The following ATP2A2 variants were observed in gnomAD, a reference collection of about 807,000 sequenced individuals.
ATP2A2 encodes the protein ATPase sarcoplasmic/endoplasmic reticulum Ca2+ transporting 2.
A neutral mutation model predicts 109.3 loss-of-function variants in ATP2A2; 14 were observed. That is an observed-to-expected ratio of 0.13 (90% CI 0.08 to 0.20). ATP2A2 has a LOEUF of 0.20. Among genes scored for constraint, ATP2A2 ranks in the 10% least tolerant of loss-of-function variants. ATP2A2 has a pLI of 1.00. For synonymous variants in ATP2A2, 506 were observed against 490.9 expected (o/e 1.03, Z -0.41); for missense variants, 657 against 1,321.6 (o/e 0.50, Z 7.80).
At chr12:110,320,131 C>A (rs966589496) in intron 5 of ATP2A2, among the ~76,000 whole-genome samples, 1 of 152,192 alleles carries the variant, frequency 6.6e-6, no homozygotes, top group Non-Finnish European at 1.5e-5. Context: ...TTCAAATCCT[C>A]TGAGCTTCCA....
chr12:110,349,869 G>A lies in ATP2A2; in HGVS notation c.*3399G>A, dbSNP rs953672650. 18 of 1,052,638 alleles carry A rather than the reference G, an allele frequency of 1.7e-5. No individual in the cohort carries two copies. Among genetic ancestry groups the A allele is most frequent in the African/African-American group, 1.7e-4 (10 of 59,948 alleles). 65.2% of individuals were successfully genotyped at this position (1,052,638 alleles called of 1,614,324 possible). On this transcript the variant is annotated 3_prime_UTR_variant, in exon 20 of 20. Coordinates refer to ENST00000539276, the MANE Select transcript of ATP2A2 (RefSeq NM_170665.4). ...CTCTCCAGGGCTAGGCAAGGCAGGC[G>A]AGCAGCCAGAAGCCGGGTGCCCACA...
chr12:110,285,159 TAACTA>T (rs1389908237), intron 3 of ATP2A2, among the ~76,000 whole-genome samples: 8 of 152,244 alleles, frequency 5.3e-5, no homozygotes, highest in African/African-American at 1.9e-4. Flanking sequence ...AGTAAACTGT[TAACTA>T]TAGTTAATAT....
At chr12:110,325,184 T>G (rs1209483714) in intron 6 of ATP2A2, among the ~76,000 whole-genome samples, 1 of 152,226 alleles carries the variant, frequency 6.6e-6, no homozygotes. Flanking sequence ...TATCTTTCTT[T>G]CATTAAGAAA....
rs550495835 is a variant in ATP2A2, at chr12:110,346,359, G to C, written c.3018G>C (p.Ser1006=). The change falls in exon 20 of 20, where the codon TCG becomes TCC. Residue 1006 remains serine, a synonymous_variant. Transcript: ENST00000539276. ...TGCAGCCTGCCACCAAATCCTGCTC[G>C]TTCTCGGCATGCACCGATGGGATTT... ...ECVQPATKSC[S]FSACTDGISW... is the part of the protein sequence containing the mutation. 6.2e-7 allele frequency: 1 copy of C among 1,614,180 alleles called. No individual in the cohort carries two copies. Among genetic ancestry groups the C allele is most frequent in the Non-Finnish European group, 8.5e-7 (1 of 1,180,016 alleles).
chr12:110,284,955 T>C (rs1872520765), intron 3 of ATP2A2, among the ~76,000 whole-genome samples: 1 of 152,222 alleles, frequency 6.6e-6, no homozygotes, highest in Non-Finnish European at 1.5e-5. Flanking sequence ...CTCCTGTCTG[T>C]ATCTTTTAAA....
chr12:110,309,638 C>T (rs141242745), intron 5 of ATP2A2, among the ~76,000 whole-genome samples: 4,168 of 152,170 alleles, frequency 0.027, 83 homozygotes, highest in Middle Eastern at 0.078. Context: ...CTCAGTGGCT[C>T]ATGCCTGTAA....
chr12:110,298,445 C>T (rs1024138012), intron 5 of ATP2A2, among the ~76,000 whole-genome samples: 2 of 152,130 alleles, frequency 1.3e-5, no homozygotes, highest in African/African-American at 4.8e-5. Flanking sequence ...TTTGGCCAGG[C>T]GTGGTGGCTC....
intron 1 of ATP2A2, 39 bp downstream of exon 1, chr12:110,281,946 C>T: frequency 6.6e-7 from 1 of 1,506,522 alleles, no homozygotes; most frequent in South Asian, 1.2e-5. Flanking sequence ...CCCGGCGCGG[C>T]CGGGAGAGCC....
At chr12:110,288,604 C>T (rs910539653) in intron 3 of ATP2A2, among the ~76,000 whole-genome samples, 3 of 152,020 alleles carry the variant, frequency 2.0e-5, no homozygotes, top group Non-Finnish European at 4.4e-5. Flanking sequence ...GGGTTTTCGC[C>T]ATGTTGGTCA....
chr12:110,334,952 A>C (rs1878699412), intron 11 of ATP2A2, among the ~76,000 whole-genome samples: 1 of 152,082 alleles, frequency 6.6e-6, no homozygotes, highest in Non-Finnish European at 1.5e-5. Flanking sequence ...CAATGTGGTG[A>C]TGGTGGTGGC....
At chr12:110,332,453 G>A (rs1878429115) in intron 8 of ATP2A2, 144 bp from the exon 9 acceptor site, 1 of 745,328 alleles carries the variant, frequency 1.3e-6, no homozygotes, top group African/African-American at 1.7e-5. Context: ...CTGATGCTGA[G>A]TGAGCCTCAG....
chr12:110,288,908 A>G (rs574999661), intron 3 of ATP2A2, among the ~76,000 whole-genome samples: 2 of 151,930 alleles, frequency 1.3e-5, no homozygotes, highest in East Asian at 3.9e-4. Context: ...CTCTTACCCC[A>G]TCTCCCTCCC....
rs1482065192 is a variant in ATP2A2, at chr12:110,350,512, G to A, written c.*4042G>A. The A allele has an allele frequency of 2.6e-6, 2 of 766,584 alleles. No homozygotes were observed. The highest frequency in any genetic ancestry group is 4.1e-6 in the Non-Finnish European group (2 of 484,748). 47.5% of individuals were successfully genotyped at this position (766,584 alleles called of 1,614,324 possible). A position where few individuals can be genotyped will look rare whatever the true frequency, so the allele number is the denominator to read the frequency against. On this transcript the variant is annotated 3_prime_UTR_variant, in exon 20 of 20. Coordinates refer to ENST00000539276, the MANE Select transcript of ATP2A2 (RefSeq NM_170665.4). The stretch of plus-strand genomic sequence containing the variant: ...TTAAATCAAAATACTGATTACAGAT[G>A]TACAATTTAGCTTAATCAGAAAGCC...
chr12:110,310,788 T>C (rs1192381054), intron 5 of ATP2A2, among the ~76,000 whole-genome samples: 1 of 152,218 alleles, frequency 6.6e-6, no homozygotes, highest in African/African-American at 2.4e-5. Context: ...ATTCTTAAAC[T>C]TGACAGCAAT....
At chr12:110,323,109 A>C in intron 6 of ATP2A2, 37 bp downstream of exon 6, 1 of 1,486,412 alleles carries the variant, frequency 6.7e-7, no homozygotes, top group East Asian at 2.3e-5. Flanking sequence ...ATTTCTGAAG[A>C]CCTTCGCATA....
chr12:110,339,495 A>G lies in ATP2A2; in HGVS notation c.1543-8A>G. 6.2e-7 allele frequency: 1 copy of G among 1,614,082 alleles called. No individual in the cohort carries two copies. Among genetic ancestry groups the G allele is most frequent in the Non-Finnish European group, 8.5e-7 (1 of 1,179,972 alleles). On this transcript the variant is annotated splice_region_variant and splice_polypyrimidine_tract_variant and intron_variant, in intron 12 of 19. Transcript: ENST00000539276. This position sits in a 1 kb window ranked among gnomAD's most constrained non-coding sequence, Gnocchi z 4.4. ...AAAATTGTTTATCTAAATCTGTAAC[A>G]TTTCCAGGGTGCTCCTGAAGGTGTC... is the stretch of plus-strand genomic sequence containing the variant.
chr12:110,325,399 C>G (rs550324704), intron 6 of ATP2A2, among the ~76,000 whole-genome samples: 1 of 151,592 alleles, frequency 6.6e-6, no homozygotes, highest in African/African-American at 2.4e-5. Flanking sequence ...TTTGGGAGGC[C>G]GAGGTGGGGG....
chr12:110,318,362 T>C (rs1013437943), intron 5 of ATP2A2, among the ~76,000 whole-genome samples: 10 of 152,220 alleles, frequency 6.6e-5, no homozygotes, highest in African/African-American at 2.2e-4. Context: ...TGAGCTTCCT[T>C]AGAGAAGGCT....
chr12:110,342,369 G>A lies in ATP2A2; in HGVS notation c.2239G>A (p.Glu747Lys). Residue 747 changes from glutamate (E) to lysine (K), a missense_variant, in exon 15 of 20, where the codon GAG becomes AAG. Transcript: ENST00000539276. This position sits in a 1 kb window ranked among gnomAD's most constrained non-coding sequence, Gnocchi z 4.6. ...DNFSTIVAAV[E>K]EGRAIYNNMK... The stretch of plus-strand genomic sequence containing the variant: ...CTTCTCCACCATTGTGGCTGCCGTT[G>A]AGGAGGGGCGGGCAATCTACAACAA... The A allele has an allele frequency of 6.2e-7, 1 of 1,614,224 alleles. No individual in the cohort carries two copies. The highest frequency in any genetic ancestry group is 8.5e-7 in the Non-Finnish European group (1 of 1,180,046).
Sources: gnomAD v4.1 joint callset for allele counts (sites outside exome capture counted in the v4.1 genomes callset) on GRCh38, gnomAD v4.1.1 for gene constraint, Gnocchi (gnomAD v3.1) non-coding constraint, MANE v1.5 for transcripts, NCBI Gene and HGNC (gene_info 2026-07-23, HGNC 2026-07-21) for gene names.